Variants in TMEM132D observed in about 807,000 individuals in gnomAD.
TMEM132D encodes the protein mature OL transmembrane protein.
In TMEM132D, 21 loss-of-function variants were observed where a neutral mutation model predicts 62.3. The observed-to-expected ratio is 0.34, with a 90% CI of 0.24 to 0.49. TMEM132D has a LOEUF of 0.49. Among genes scored for constraint, TMEM132D ranks in the 20% least tolerant of loss-of-function variants. The pLI, the probability that TMEM132D is intolerant of heterozygous loss-of-function variation, is 0.99. For synonymous variants in TMEM132D, 621 were observed against 575.6 expected (o/e 1.08, Z -1.13); for missense variants, 1,346 against 1,402.8 (o/e 0.96, Z 0.65).
chr12:129,529,009 TATA>T (rs773449361), intron 3 of TMEM132D, among the ~76,000 whole-genome samples: 7 of 152,260 alleles, frequency 4.6e-5, no homozygotes, highest in Admixed American at 1.3e-4. Context: ...TATATGCATA[TATA>T]ATATGCTGTA....
intron 4 of TMEM132D, among the ~76,000 whole-genome samples, chr12:129,294,993 T>A (rs1381483549): frequency 2.6e-5 from 4 of 152,172 alleles, no homozygotes; most frequent in Non-Finnish European, 5.9e-5. Flanking sequence ...GTGTTTCTGT[T>A]AGGGTGTTTT....
intron 2 of TMEM132D, among the ~76,000 whole-genome samples, chr12:129,676,599 T>C (rs1880638394): frequency 6.6e-6 from 1 of 152,154 alleles, no homozygotes; most frequent in African/African-American, 2.4e-5. Context: ...TTTTAAACAA[T>C]CAGCTCTTGT....
rs188682515 is a variant in TMEM132D at position 129,288,312 on chromosome 12, C to T, written c.1299+49322G>A. 5.3e-5 allele frequency among the ~76,000 whole-genome samples: 8 copies of T among 152,142 alleles called. No homozygotes were observed. In the East Asian group the frequency reaches 7.7e-4, roughly 15 times the overall value. On this transcript the variant is annotated intron_variant, in intron 4 of 8. Transcript: ENST00000422113. ...CAGAGGAAGAAGGCAATCTATGAAA[C>T]GGGAAAATATTTGCAGGCCATATAT...
intron 1 of TMEM132D, among the ~76,000 whole-genome samples, chr12:129,842,454 C>CT (rs71085579): frequency 9.7e-4 from 145 of 149,040 alleles, no homozygotes; most frequent in African/African-American, 3.1e-3. Flanking sequence ...AGAAATATTT[C>CT]TTTTTTTTTT....
chr12:129,630,819 T>C (rs1455358761), intron 2 of TMEM132D, among the ~76,000 whole-genome samples: 2 of 152,080 alleles, frequency 1.3e-5, no homozygotes, highest in Non-Finnish European at 2.9e-5. Flanking sequence ...CTAAGCCTAG[T>C]ACCCAATAAT....
intron 3 of TMEM132D, among the ~76,000 whole-genome samples, chr12:129,407,128 G>A (rs1871814468): frequency 6.6e-6 from 1 of 152,222 alleles, no homozygotes; most frequent in Non-Finnish European, 1.5e-5. Context: ...CTTGGACAAT[G>A]AAGCTAAAAT....
chr12:129,352,240 T>C (rs1869891065), intron 3 of TMEM132D, among the ~76,000 whole-genome samples: 1 of 152,162 alleles, frequency 6.6e-6, no homozygotes, highest in African/African-American at 2.4e-5. Flanking sequence ...ACAAAGACAT[T>C]CCTAATTTTC....
intron 3 of TMEM132D, among the ~76,000 whole-genome samples, chr12:129,480,912 G>T (rs1874409787): frequency 6.6e-6 from 1 of 152,202 alleles, no homozygotes; most frequent in African/African-American, 2.4e-5. Flanking sequence ...AGCATCGTGT[G>T]TGGAGCAGAG....
At chr12:129,859,099 C>A (rs911475241) in intron 1 of TMEM132D, among the ~76,000 whole-genome samples, 1 of 152,136 alleles carries the variant, frequency 6.6e-6, no homozygotes, top group African/African-American at 2.4e-5. Flanking sequence ...ACAAAAGAGT[C>A]CTGCGGGAGG....
chr12:129,108,288 A>G (rs1252887141), intron 5 of TMEM132D, among the ~76,000 whole-genome samples: 3 of 152,136 alleles, frequency 2.0e-5, no homozygotes, highest in Non-Finnish European at 4.4e-5. Flanking sequence ...TGGCTTCTCC[A>G]TGTTCACCGT....
rs138164924 is a variant in TMEM132D at position 129,561,527 on chromosome 12, C to T, written c.969-30322G>A. ...ACAGCAGACAAGAATTGGGACTCCC[C>T]GAGATAGTGCTGGAGTTAGAATAAT... On this transcript the variant is annotated intron_variant, in intron 2 of 8. Transcript: ENST00000422113. Among the ~76,000 whole-genome samples the T allele has an allele frequency of 6.1e-3, 928 of 152,242 alleles. 12 individuals are homozygous for T. The highest frequency in any genetic ancestry group is 0.021 in the African/African-American group (861 of 41,524).
At chr12:129,285,827 T>C (rs1881280932) in intron 4 of TMEM132D, among the ~76,000 whole-genome samples, 1 of 152,160 alleles carries the variant, frequency 6.6e-6, no homozygotes, top group South Asian at 2.1e-4. Context: ...CTCACCCCAG[T>C]AGTTTCTCCA....
chr12:129,355,039 A>G (rs910246453), intron 3 of TMEM132D, among the ~76,000 whole-genome samples: 14 of 152,228 alleles, frequency 9.2e-5, no homozygotes, highest in African/African-American at 3.4e-4. Flanking sequence ...TTTTTGTCAC[A>G]AGAGACTTTG....
At position 129,636,698 on chromosome 12, in the gene TMEM132D, ATGTGTGTGTGTGTG is replaced by A. The variant is rs542826978; in HGVS notation, c.968+63098_968+63111del. ...AATGACCAAGTAAATTCATACAGAAATGTGTGTGTGTGTGTGTGTGTGTGTGTGTGTGTGTGTGT... is the reference window on the plus strand; with the variant it reads ...AATGACCAAGTAAATTCATACAGAAATGTGTGTGTGTGTGTGTGTGTGTGT... On this transcript the variant is annotated intron_variant, in intron 2 of 8. Transcript: ENST00000422113. Among the ~76,000 whole-genome samples the A allele has an allele frequency of 1.8e-3, 191 of 107,954 alleles. 2 individuals are homozygous for A. The highest frequency in any genetic ancestry group is 5.8e-3 in the African/African-American group (174 of 30,246). 70.8% of individuals were successfully genotyped at this position (107,954 alleles called of 152,430 possible).
chr12:129,353,527 C>T (rs2082429491), intron 3 of TMEM132D, among the ~76,000 whole-genome samples: 1 of 151,990 alleles, frequency 6.6e-6, no homozygotes, highest in African/African-American at 2.4e-5. Context: ...AGGTAGCTAT[C>T]AGGGTGAACA....
intron 4 of TMEM132D, among the ~76,000 whole-genome samples, chr12:129,220,189 C>T (rs1879312935): frequency 6.6e-6 from 1 of 152,066 alleles, no homozygotes; most frequent in African/African-American, 2.4e-5. Flanking sequence ...CAGCTGAGTT[C>T]CCAAGAGCAA....
At chr12:129,701,837 T>C (rs1448426318) in intron 1 of TMEM132D, among the ~76,000 whole-genome samples, 1 of 152,176 alleles carries the variant, frequency 6.6e-6, no homozygotes, top group Non-Finnish European at 1.5e-5. Context: ...GCTCCACCTT[T>C]CTCAAAGGCC....
chr12:129,125,068 G>T (rs1174000303), intron 5 of TMEM132D, among the ~76,000 whole-genome samples: 1 of 152,208 alleles, frequency 6.6e-6, no homozygotes, highest in Non-Finnish European at 1.5e-5. Context: ...GAGGGGGGAT[G>T]TCTGGCTTTT....
chr12:129,580,534 A>G (rs928246356), intron 2 of TMEM132D, among the ~76,000 whole-genome samples: 1 of 152,060 alleles, frequency 6.6e-6, no homozygotes, highest in Non-Finnish European at 1.5e-5. Context: ...ACAAATACTG[A>G]GATCCCTTTA....
Sources: allele counts gnomAD v4.1 joint callset (sites outside exome capture counted in the v4.1 genomes callset), GRCh38; gene constraint gnomAD v4.1.1; transcripts MANE v1.5; gene names NCBI Gene and HGNC (gene_info 2026-07-23, HGNC 2026-07-21).